Variants in GRAMD1B observed in about 807,000 individuals in gnomAD.
The protein encoded by GRAMD1B is protein Aster-B.
GRAMD1B carries 37 observed loss-of-function variants against 99.7 expected under a neutral mutation model. That is an observed-to-expected ratio of 0.37 (90% CI 0.29 to 0.49). GRAMD1B has a LOEUF of 0.49. Among genes scored for constraint, GRAMD1B ranks in the 20% least tolerant of loss-of-function variants. GRAMD1B has a pLI of 0.98. For synonymous variants in GRAMD1B, 427 were observed against 387.6 expected (o/e 1.10, Z -1.19); for missense variants, 888 against 1,009.2 (o/e 0.88, Z 1.63).
At chr11:123,551,023 T>C (rs1212235448) in intron 2 of GRAMD1B, among the ~76,000 whole-genome samples, 2 of 152,172 alleles carry the variant, frequency 1.3e-5, no homozygotes, top group Admixed American at 6.5e-5. Context: ...AGGAGTTTTA[T>C]TGGGAAGTGC....
At chr11:123,525,796 AC>A in intron 2 of GRAMD1B, 1 of 302,092 alleles carries the variant, frequency 3.3e-6, no homozygotes, top group Non-Finnish European at 6.3e-6. Flanking sequence ...CTGGCTGTTG[AC>A]GGCAACTCCA....
In GRAMD1B at chr11:123,606,742, A is replaced by G. The variant is rs377539345; in HGVS notation, c.1457A>G (p.Asn486Ser). ...GTGAACTCCCCTTCACTGGACTTCA[A>G]TGACAATGAGGACATCCCCACTGAG... ...APVNSPSLDF[N>S]DNEDIPTELS... The change falls in exon 11 of 20, where the codon AAT becomes AGT. Residue 486 changes from asparagine to serine, a missense_variant. This residue lies in a region of GRAMD1B where 269 missense variants were observed against 296.6 expected (regional missense o/e 0.91). Transcript: ENST00000635736. 5.6e-5 allele frequency: 91 copies of G among 1,613,710 alleles called. No homozygotes were observed. The highest frequency in any genetic ancestry group is 5.5e-4 in the African/African-American group (41 of 74,918).
At chr11:123,542,023 G>A (rs1007690247) in intron 2 of GRAMD1B, among the ~76,000 whole-genome samples, 4 of 152,072 alleles carry the variant, frequency 2.6e-5, no homozygotes, top group African/African-American at 7.2e-5. Flanking sequence ...TGTGACTGTC[G>A]ACCACTTCCC....
intron 1 of GRAMD1B, among the ~76,000 whole-genome samples, chr11:123,407,655 C>A (rs564083699): frequency 2.6e-5 from 4 of 152,300 alleles, no homozygotes; most frequent in African/African-American, 4.8e-5. Flanking sequence ...AGTTTCATGA[C>A]CTTTTCAGAG....
chr11:123,494,628 C>A (rs1939010281), intron 2 of GRAMD1B, among the ~76,000 whole-genome samples: 1 of 152,158 alleles, frequency 6.6e-6, no homozygotes, highest in African/African-American at 2.4e-5. Context: ...AGCCCTTCTT[C>A]TTTGTGCCTG....
At chr11:123,397,300 C>T (rs961487533) in intron 1 of GRAMD1B, among the ~76,000 whole-genome samples, 2 of 152,010 alleles carry the variant, frequency 1.3e-5, no homozygotes, top group African/African-American at 2.4e-5. Context: ...CCCAGCTACT[C>T]GGGAGGCTGA....
chr11:123,467,245 G>T (rs139192130), intron 1 of GRAMD1B, among the ~76,000 whole-genome samples: 4 of 152,242 alleles, frequency 2.6e-5, no homozygotes, highest in African/African-American at 9.6e-5. Flanking sequence ...CACTTTGGGA[G>T]GCCGAGGTGG....
At chr11:123,367,620 G>T (rs895634103) in intron 1 of GRAMD1B, among the ~76,000 whole-genome samples, 1 of 152,252 alleles carries the variant, frequency 6.6e-6, no homozygotes, top group Non-Finnish European at 1.5e-5. Context: ...TGAGGCCGGC[G>T]TGATGAGTTG....
chr11:123,447,710 G>C (rs1245917767), intron 1 of GRAMD1B, among the ~76,000 whole-genome samples: 1 of 152,230 alleles, frequency 6.6e-6, no homozygotes, highest in Non-Finnish European at 1.5e-5. Flanking sequence ...ACATGTGTCT[G>C]AAGAGTTATG....
chr11:123,452,338 A>AT (rs1214740815), intron 1 of GRAMD1B, among the ~76,000 whole-genome samples: 2 of 152,110 alleles, frequency 1.3e-5, no homozygotes, highest in Non-Finnish European at 2.9e-5. Flanking sequence ...TGTGAAGGAC[A>AT]TTTTTTCTGG....
At position 123,591,614 on chromosome 11, in the gene GRAMD1B, A is replaced by G. The variant is rs1033138368; in HGVS notation, c.685-2468A>G. 3 of 397,542 alleles carry G rather than the reference A, an allele frequency of 7.5e-6. No individual in the cohort carries two copies. The highest frequency in any genetic ancestry group is 2.1e-5 in the African/African-American group (1 of 48,560). The allele number at this position is 397,542 out of a possible 1,614,324, so 24.6% of individuals were successfully genotyped here. On this transcript the variant is annotated intron_variant, in intron 4 of 19. Transcript: ENST00000635736. This position sits in a 1 kb window ranked among gnomAD's most constrained non-coding sequence, Gnocchi z 4.7. ...CCTTGTTATGCCACTTGGCTCTCCT[A>G]CCCGAAGGCCCCAGATTTGACAATC...
intron 1 of GRAMD1B, among the ~76,000 whole-genome samples, chr11:123,393,486 T>C (rs775654301): frequency 4.6e-5 from 7 of 152,154 alleles, no homozygotes; most frequent in Non-Finnish European, 8.8e-5. Context: ...ATTTGAAGCA[T>C]TGACTGGGGC....
chr11:123,589,936 A>G (rs913588853), intron 4 of GRAMD1B, among the ~76,000 whole-genome samples: 1 of 152,018 alleles, frequency 6.6e-6, no homozygotes, highest in Admixed American at 6.5e-5. Context: ...GAGCAGCCCC[A>G]TTTGTTTTAA....
chr11:123,400,873 G>A (rs536908942), intron 1 of GRAMD1B, among the ~76,000 whole-genome samples: 9 of 152,262 alleles, frequency 5.9e-5, no homozygotes, highest in Non-Finnish European at 1.3e-4. Context: ...GCAGGGAGCT[G>A]GGTGCTATTA....
chr11:123,368,258 C>CAA (rs1024340450), intron 1 of GRAMD1B, among the ~76,000 whole-genome samples: 42 of 88,310 alleles, frequency 4.8e-4, no homozygotes, highest in African/African-American at 1.2e-3. Context: ...CATCTTAAAA[C>CAA]AAAAAAAAAA....
chr11:123,495,989 A>C (rs1939209444), intron 2 of GRAMD1B, among the ~76,000 whole-genome samples: 1 of 152,192 alleles, frequency 6.6e-6, no homozygotes, highest in Non-Finnish European at 1.5e-5. Flanking sequence ...ATAAGAGTAC[A>C]TTATACAACA....
At chr11:123,521,933 G>C (rs1038499558) in intron 2 of GRAMD1B, among the ~76,000 whole-genome samples, 3 of 152,028 alleles carry the variant, frequency 2.0e-5, no homozygotes, top group Non-Finnish European at 4.4e-5. Flanking sequence ...TTACTTTTTT[G>C]ATAGCTCATC....
At chr11:123,375,485 A>G (rs1946663233) in intron 1 of GRAMD1B, among the ~76,000 whole-genome samples, 1 of 152,184 alleles carries the variant, frequency 6.6e-6, no homozygotes, top group Non-Finnish European at 1.5e-5. Flanking sequence ...GCTATATTAG[A>G]TTTGTGGGGT....
chr11:123,493,785 C>T (rs973411919), intron 2 of GRAMD1B, among the ~76,000 whole-genome samples: 10 of 152,150 alleles, frequency 6.6e-5, no homozygotes, highest in Admixed American at 2.6e-4. Flanking sequence ...TCCTATTGTT[C>T]AGATCCCAGG....
Sources: allele counts gnomAD v4.1 joint callset (sites outside exome capture counted in the v4.1 genomes callset), GRCh38; gene constraint gnomAD v4.1.1; regional missense constraint gnomAD v4.1.1; non-coding constraint Gnocchi (gnomAD v3.1); transcripts MANE v1.5; gene names NCBI Gene and HGNC (gene_info 2026-07-23, HGNC 2026-07-21).